Variants in MAGI2 observed in about 807,000 individuals in gnomAD.
The protein encoded by MAGI2 is membrane-associated guanylate kinase, WW and PDZ domain-containing protein 2.
In MAGI2, 35 loss-of-function variants were observed where a neutral mutation model predicts 133.3. The observed-to-expected ratio is 0.26, with a 90% CI of 0.20 to 0.35. The LOEUF (loss-of-function observed/expected upper bound fraction) is 0.35. Ranked by LOEUF, MAGI2 falls within the 10% of genes least tolerant of loss-of-function variation. MAGI2 has a pLI of 1.00. For synonymous variants in MAGI2, 729 were observed against 710.6 expected, an observed-to-expected ratio of 1.03 and a Z score of -0.41; for missense variants, 1,636 against 1,863.4, an observed-to-expected ratio of 0.88 and a Z score of 2.25.
At chr7:79,064,231 T>G (rs1290309456) in intron 1 of MAGI2, among the ~76,000 whole-genome samples, 1 of 152,102 alleles carries the variant, frequency 6.6e-6, no homozygotes, top group African/African-American at 2.4e-5. Flanking sequence ...ACACTAGATC[T>G]TCAATGTGTT....
At chr7:79,102,951 C>G (rs1214541844) in intron 1 of MAGI2, among the ~76,000 whole-genome samples, 1 of 152,116 alleles carries the variant, frequency 6.6e-6, no homozygotes, top group Non-Finnish European at 1.5e-5. Flanking sequence ...AGTTGAAGGG[C>G]CTTTTAAGCA....
chr7:79,129,027 C>A (rs184301107), intron 1 of MAGI2, among the ~76,000 whole-genome samples: 1 of 152,116 alleles, frequency 6.6e-6, no homozygotes, highest in East Asian at 1.9e-4. Context: ...GGCACCACCA[C>A]GCTCAGCTAA....
At chr7:78,591,230 C>G (rs1196218159) in intron 3 of MAGI2, among the ~76,000 whole-genome samples, 1 of 152,180 alleles carries the variant, frequency 6.6e-6, no homozygotes, top group East Asian at 1.9e-4. Flanking sequence ...AATTCTATTT[C>G]AAGAAGTCAT....
At chr7:78,585,256 G>T (rs756939222) in intron 3 of MAGI2, among the ~76,000 whole-genome samples, 2 of 152,144 alleles carry the variant, frequency 1.3e-5, no homozygotes, top group Non-Finnish European at 2.9e-5. Context: ...CTGAAAAGGT[G>T]CTCTCACTAA....
At position 78,257,072 on chromosome 7, in the gene MAGI2, C is replaced by T. The variant is rs561519358; in HGVS notation, c.1409-491G>A. 5.3e-5 allele frequency among the ~76,000 whole-genome samples: 8 copies of T among 151,930 alleles called. No homozygotes were observed. The South Asian group carries it at 1.7e-3, about 32-fold the overall frequency. On this transcript the variant is annotated intron_variant, in intron 9 of 21. Coordinates refer to ENST00000354212, the MANE Select transcript of MAGI2 (RefSeq NM_012301.4). ...TTTTATGGAACAGAAAAATATTTGCCCATTTATTTTTTTCCATCTATAGCA... is the reference window on the plus strand; with the variant it reads ...TTTTATGGAACAGAAAAATATTTGCTCATTTATTTTTTTCCATCTATAGCA...
chr7:78,632,882 C>T (rs927360747), intron 2 of MAGI2, among the ~76,000 whole-genome samples: 5 of 152,200 alleles, frequency 3.3e-5, no homozygotes, highest in African/African-American at 9.6e-5. Context: ...ACCCAGCAAT[C>T]CCATTACTGG....
rs149323397 is a variant in MAGI2, at chr7:78,579,841, T to C, written c.538+47279A>G. Reference sequence around the variant, plus strand: ...GGGATCCATTCTAACTAAGAACCGATGGGGGTTACTCTTCCCTACACTAGT... The same window carrying C: ...GGGATCCATTCTAACTAAGAACCGACGGGGGTTACTCTTCCCTACACTAGT... On this transcript the variant is annotated intron_variant, in intron 3 of 21. Coordinates refer to ENST00000354212, the MANE Select transcript of MAGI2 (RefSeq NM_012301.4). 8.1e-3 allele frequency among the ~76,000 whole-genome samples: 1,233 copies of C among 152,100 alleles called. 13 individuals are homozygous for C. The highest frequency in any genetic ancestry group is 0.028 in the African/African-American group (1,159 of 41,506).
At chr7:78,032,005 C>T (rs1263776831) in intron 21 of MAGI2, among the ~76,000 whole-genome samples, 1 of 114,918 alleles carries the variant, frequency 8.7e-6, no homozygotes, top group Non-Finnish European at 1.8e-5. Context: ...ACAAAGCCCC[C>T]CCACTTTTTT....
intron 1 of MAGI2, among the ~76,000 whole-genome samples, chr7:79,284,696 T>C (rs1453346051): frequency 1.3e-5 from 2 of 152,144 alleles, no homozygotes; most frequent in Non-Finnish European, 2.9e-5. Flanking sequence ...ATGTTAGTTC[T>C]GGTTTAAGAA....
intron 16 of MAGI2, among the ~76,000 whole-genome samples, chr7:78,159,646 T>A (rs1162353663): frequency 1.3e-5 from 2 of 152,224 alleles, no homozygotes; most frequent in African/African-American, 4.8e-5. Flanking sequence ...CTGGTTCTAT[T>A]CTGTTGAACA....
At chr7:78,602,932 A>G (rs1232424545) in intron 3 of MAGI2, among the ~76,000 whole-genome samples, 1 of 152,210 alleles carries the variant, frequency 6.6e-6, no homozygotes, top group Non-Finnish European at 1.5e-5. Flanking sequence ...TGCTACAGTT[A>G]ATTGACTAAA....
chr7:78,283,415 A>G (rs948372602), intron 9 of MAGI2, among the ~76,000 whole-genome samples: 1 of 152,132 alleles, frequency 6.6e-6, no homozygotes, highest in Non-Finnish European at 1.5e-5. Context: ...AGTATTTGCC[A>G]AGAAAGAAGG....
intron 3 of MAGI2, among the ~76,000 whole-genome samples, chr7:78,548,284 G>T (rs1054142577): frequency 6.6e-6 from 1 of 152,232 alleles, no homozygotes; most frequent in Middle Eastern, 3.4e-3. Context: ...TCTTTCTTTG[G>T]AGCAGAAATC....
At chr7:78,820,428 G>T (rs997556988) in intron 2 of MAGI2, among the ~76,000 whole-genome samples, 1 of 151,844 alleles carries the variant, frequency 6.6e-6, no homozygotes, top group Non-Finnish European at 1.5e-5. Context: ...AAGGAACGGA[G>T]AGACATAGTC....
intron 1 of MAGI2, chr7:79,414,629 CATT>C (rs941427598): frequency 5.9e-5 from 9 of 152,082 alleles, no homozygotes; most frequent in Admixed American, 1.3e-4. Context: ...GGTGCCTTAT[CATT>C]AAGTAAGTAC....
chr7:78,849,764 A>T (rs1792969915), intron 2 of MAGI2, among the ~76,000 whole-genome samples: 1 of 152,050 alleles, frequency 6.6e-6, no homozygotes, highest in Non-Finnish European at 1.5e-5. Context: ...ATAATACTTA[A>T]TAATGTCTCA....
intron 2 of MAGI2, among the ~76,000 whole-genome samples, chr7:78,743,527 A>C (rs1007233657): frequency 2.0e-5 from 3 of 152,184 alleles, no homozygotes; most frequent in African/African-American, 7.2e-5. Flanking sequence ...TACTCCAATT[A>C]TGAGATCTAA....
chr7:78,877,319 C>G (rs569481987), intron 2 of MAGI2, among the ~76,000 whole-genome samples: 36 of 152,184 alleles, frequency 2.4e-4, no homozygotes, highest in Non-Finnish European at 4.7e-4. Flanking sequence ...CGAATGGTTA[C>G]TAATTGGAAG....
intron 6 of MAGI2, among the ~76,000 whole-genome samples, chr7:78,386,817 A>G (rs1795432848): frequency 6.6e-6 from 1 of 152,116 alleles, no homozygotes; most frequent in Non-Finnish European, 1.5e-5. Context: ...CCAAACGGAG[A>G]GCTTTAGAGG....
Sources: gnomAD v4.1 joint callset for allele counts (sites outside exome capture counted in the v4.1 genomes callset) on GRCh38, gnomAD v4.1.1 for gene constraint, MANE v1.5 for transcripts, NCBI Gene and HGNC (gene_info 2026-07-23, HGNC 2026-07-21) for gene names.